The following ALDH3B1 variants were observed in gnomAD, a reference collection of about 807,000 sequenced individuals.
ALDH3B1 encodes aldehyde dehydrogenase family 3 member B1.
In ALDH3B1, 37 loss-of-function variants were observed where a neutral mutation model predicts 46.2. The ratio of observed to expected loss-of-function variants is 0.80; its 90% CI spans 0.62 to 1.05. The LOEUF is 1.05. ALDH3B1 is among the 50% of genes least tolerant of loss of function. The pLI, the probability that ALDH3B1 is intolerant of heterozygous loss-of-function variation, is 0.00. For missense variants in ALDH3B1, 603 were observed against 665.5 expected (o/e 0.91, Z 1.03); for synonymous variants, 283 against 281.0 (o/e 1.01, Z -0.07).
At chr11:68,022,853 C>T in intron 8 of ALDH3B1, 92 bp downstream of exon 8, 1 of 1,552,862 alleles carries the variant, frequency 6.4e-7, no homozygotes, top group East Asian at 2.3e-5. Flanking sequence ...CCAGTGGCTT[C>T]AGGACTTTGG....
At chr11:68,019,333 T>C (rs1289424261) in intron 5 of ALDH3B1, 78 bp downstream of exon 5, 7 of 1,317,066 alleles carry the variant, frequency 5.3e-6, no homozygotes, top group South Asian at 2.5e-5. Flanking sequence ...TGGAAGGGCC[T>C]GTCAGTCAGA....
At chr11:68,023,055 G>C (rs1233642407) in intron 8 of ALDH3B1, among the ~76,000 whole-genome samples, 3 of 152,066 alleles carry the variant, frequency 2.0e-5, no homozygotes, top group East Asian at 1.9e-4. Flanking sequence ...CTTACACATC[G>C]GGGCCTGGTG....
At chr11:68,023,735 G>C (rs79657810) in intron 8 of ALDH3B1, among the ~76,000 whole-genome samples, 7 of 152,010 alleles carry the variant, frequency 4.6e-5, no homozygotes, top group South Asian at 2.1e-4. Context: ...GCTTAGATGG[G>C]TCAAAACTAA....
chr11:68,022,341 G>T (rs1244542751), intron 7 of ALDH3B1, among the ~76,000 whole-genome samples: 6 of 152,220 alleles, frequency 3.9e-5, no homozygotes, highest in Admixed American at 3.9e-4. Context: ...CATCACCCCT[G>T]ACTGTGAGAC....
rs148836081 is a variant in ALDH3B1 at position 68,022,677 on chromosome 11, C to T, written c.1032C>T (p.Asn344=). The change falls in exon 8 of 10, where the codon AAC becomes AAT. Residue 344 remains asparagine (N), a synonymous_variant. Transcript: ENST00000342456. The part of the protein sequence containing the change: ...EIFGPILPIV[N]VQSLDEAIEF... ...TCGGGCCCATCCTGCCCATCGTGAA[C>T]GTGCAGAGCTTGGACGAGGCCATCG... 1.5e-3 allele frequency: 2,467 copies of T among 1,614,156 alleles called. 35 individuals carry two copies. In the African/African-American group the frequency reaches 0.028, roughly 19 times the overall value.
Position 68,018,584 on chromosome 11 carries a change from GC to G in ALDH3B1, c.223del (p.Leu75SerfsTer8). 6.3e-7 allele frequency: 1 copy of G among 1,584,542 alleles called. No individual in the cohort carries two copies. Among genetic ancestry groups the G allele is most frequent in the Non-Finnish European group, 8.6e-7 (1 of 1,165,890 alleles). On this transcript the variant is annotated frameshift_variant, in exon 3 of 10. Coordinates refer to ENST00000342456, the MANE Select transcript of ALDH3B1 (RefSeq NM_000694.4). LOFTEE classifies it high-confidence loss of function. The part of the protein sequence containing the change: ...VAISQGEVTL[A>X]LRNLRAWMKD... ...CATCAGCCAGGGCGAGGTCACCCTG[GC>G]CCTCAGGAACCTCCGGGCCTGGATG...
chr11:68,022,515 G>A (rs1857523870), intron 7 of ALDH3B1, 80 bp from the exon 8 acceptor site: 2 of 1,511,286 alleles, frequency 1.3e-6, no homozygotes, highest in Non-Finnish European at 8.8e-7. Context: ...CTGGCCTGTG[G>A]CCCTGTCCCC....
rs1246996773 is a variant in ALDH3B1 at position 68,018,553 on chromosome 11, G to A, written c.189G>A (p.Glu63=). Residue 63 remains glutamate (E), a synonymous_variant, in exon 3 of 10, where the codon GAG becomes GAA. Coordinates refer to ENST00000342456, the MANE Select transcript of ALDH3B1 (RefSeq NM_000694.4). ...HKSAFESEVS[E]VAISQGEVTL... ...CAGCCTTCGAGTCGGAGGTGTCTGA[G>A]GTTGCCATCAGCCAGGGCGAGGTCA... 5 of 1,578,630 alleles carry A rather than the reference G, an allele frequency of 3.2e-6. No individual in the cohort carries two copies. The highest frequency in any genetic ancestry group is 4.3e-6 in the Non-Finnish European group (5 of 1,162,506).
chr11:68,021,897 C>A (rs1479814880), intron 7 of ALDH3B1, 26 bp downstream of exon 7: 2 of 1,564,148 alleles, frequency 1.3e-6, no homozygotes, highest in Non-Finnish European at 1.7e-6. Context: ...CCTACCACAG[C>A]CCACCTGGGC....
Position 68,014,443 on chromosome 11 carries a change from G to A in ALDH3B1, c.-1-854G>A, listed in dbSNP as rs141933250. Among the ~76,000 whole-genome samples, 187 of 152,352 alleles carry A rather than the reference G, an allele frequency of 1.2e-3. 3 individuals are homozygous for A. The East Asian group carries it at 0.017, about 14-fold the overall frequency. The stretch of plus-strand genomic sequence containing the variant: ...GGTCCTTGGCACCAGGCCGAGGAAC[G>A]AGTGCGTCAGAGTGCTCCTCCGATG... On this transcript the variant is annotated intron_variant, in intron 1 of 9. Transcript: ENST00000342456.
At chr11:68,018,981 T>A (rs1488891438) in intron 4 of ALDH3B1, 88 bp downstream of exon 4, 2 of 1,491,464 alleles carry the variant, frequency 1.3e-6, no homozygotes, top group African/African-American at 1.4e-5. Context: ...ATGGGAGAAC[T>A]GGCCCAGGTG....
chr11:68,022,164 C>T (rs1316246870), intron 7 of ALDH3B1, among the ~76,000 whole-genome samples: 1 of 152,222 alleles, frequency 6.6e-6, no homozygotes, highest in Non-Finnish European at 1.5e-5. Context: ...TCCTGAAAGG[C>T]TGTAACCTCA....
chr11:68,025,970 G>A lies in ALDH3B1; in HGVS notation c.1117-39G>A, dbSNP rs754721491. On this transcript the variant is annotated intron_variant, in intron 8 of 9. Coordinates refer to ENST00000342456, the MANE Select transcript of ALDH3B1 (RefSeq NM_000694.4). ...CTCTGGGTCCTGAGGATCCTGATGGGGCTCAAGGCAGCCTCACGCACATCC... is the reference window on the plus strand; with the variant it reads ...CTCTGGGTCCTGAGGATCCTGATGGAGCTCAAGGCAGCCTCACGCACATCC... 5 of 1,446,216 alleles carry A rather than the reference G, an allele frequency of 3.5e-6. No individual in the cohort carries two copies. In the African/African-American group the frequency reaches 7.1e-5, roughly 21 times the overall value. The allele number at this position is 1,446,216 out of a possible 1,614,324, so 89.6% of individuals were successfully genotyped here. A position where few individuals can be genotyped will look rare whatever the true frequency, so the allele number is the denominator to read the frequency against.
chr11:68,023,096 G>A (rs761670426), intron 8 of ALDH3B1, among the ~76,000 whole-genome samples: 2 of 152,294 alleles, frequency 1.3e-5, no homozygotes, highest in Middle Eastern at 3.4e-3. Flanking sequence ...TGGCTCTGAA[G>A]GCACAGGCAA....
chr11:68,019,129 G>A (rs1265833187), intron 4 of ALDH3B1, 41 bp from the exon 5 acceptor site: 5 of 1,583,974 alleles, frequency 3.2e-6, no homozygotes, highest in Non-Finnish European at 4.3e-6. Flanking sequence ...ACCAGGAGCT[G>A]GCTACGCCTC....
chr11:68,015,143 C>A, intron 1 of ALDH3B1, 154 bp from the exon 2 acceptor site: 1 of 783,658 alleles, frequency 1.3e-6, no homozygotes, highest in Non-Finnish European at 1.9e-6. Flanking sequence ...GTGGGGTCAT[C>A]TGAGTGGGTC....
At chr11:68,021,207 C>T (rs4646813) in intron 6 of ALDH3B1, among the ~76,000 whole-genome samples, 34,327 of 152,002 alleles carry the variant, frequency 0.23, 4,019 homozygotes, top group African/African-American at 0.26. Flanking sequence ...CAAGCAGAGG[C>T]GGGAGGAGCC....
intron 8 of ALDH3B1, 21 bp downstream of exon 8, chr11:68,022,782 G>C (rs1384567276): frequency 1.2e-6 from 2 of 1,612,974 alleles, no homozygotes; most frequent in Non-Finnish European, 1.7e-6. Context: ...GGCCGGGCTG[G>C]GCAGGGTCAG....
Position 68,026,145 on chromosome 11 carries a change from G to A in ALDH3B1, c.1216+37G>A, listed in dbSNP as rs376656014. 7.3e-5 allele frequency: 111 copies of A among 1,526,334 alleles called. No individual in the cohort carries two copies. In the East Asian group the frequency reaches 2.4e-3, roughly 33 times the overall value. 94.5% of individuals were successfully genotyped at this position (1,526,334 alleles called of 1,614,324 possible). A position where few individuals can be genotyped will look rare whatever the true frequency, so the allele number is the denominator to read the frequency against. ...CTACCCTGCCCTTCTGTTACCATTT[G>A]GTCAAATTGCAATAGTGTTACCTGC... On this transcript the variant is annotated intron_variant, in intron 9 of 9. Coordinates refer to ENST00000342456, the MANE Select transcript of ALDH3B1 (RefSeq NM_000694.4).
Sources: allele counts gnomAD v4.1 joint callset (sites outside exome capture counted in the v4.1 genomes callset), GRCh38; gene constraint gnomAD v4.1.1; transcripts MANE v1.5; gene names NCBI Gene and HGNC (gene_info 2026-07-23, HGNC 2026-07-21).